The following PTPRN2 variants were observed in gnomAD, a reference collection of about 807,000 sequenced individuals.
PTPRN2 encodes receptor-type tyrosine-protein phosphatase N2.
Under a neutral mutation model 118.8 loss-of-function variants are expected in PTPRN2, and 74 were observed. The observed-to-expected ratio is 0.62, with a 90% CI of 0.52 to 0.76. The LOEUF is 0.76. Ranked by LOEUF, PTPRN2 falls within the 30% of genes least tolerant of loss-of-function variation. The probability of loss-of-function intolerance (pLI) is 0.00; values close to 1 mark genes in which losing one functional copy is unlikely to be tolerated. For synonymous variants in PTPRN2, 641 were observed against 608.0 expected, an observed-to-expected ratio of 1.05 and a Z score of -0.80; for missense variants, 1,481 against 1,394.4, an observed-to-expected ratio of 1.06 and a Z score of -0.99.
chr7:157,763,816 T>A lies in PTPRN2; in HGVS notation c.1789-80879A>T, dbSNP rs759724591. Among the ~76,000 whole-genome samples, 1 of 152,098 alleles carries A rather than the reference T, an allele frequency of 6.6e-6. No homozygotes were observed. The highest frequency in any genetic ancestry group is 1.5e-5 in the Non-Finnish European group (1 of 68,022). On this transcript the variant is annotated intron_variant, in intron 12 of 22. Coordinates refer to ENST00000389418, the MANE Select transcript of PTPRN2 (RefSeq NM_002847.5). This position sits in a 1 kb window ranked among gnomAD's most constrained non-coding sequence, Gnocchi z 4.9. ...TGCACCGGGCAGGGTTAGGGGCTGCTGGGCCTCTGCTGTGTGGCCACTGCC... is the reference window on the plus strand; with the variant it reads ...TGCACCGGGCAGGGTTAGGGGCTGCAGGGCCTCTGCTGTGTGGCCACTGCC...
Position 158,167,279 on chromosome 7 carries a change from A to C in PTPRN2, c.562T>G (p.Phe188Val). 6.2e-7 allele frequency: 1 copy of C among 1,600,480 alleles called. No individual in the cohort carries two copies. Among genetic ancestry groups the C allele is most frequent in the South Asian group, 1.1e-5 (1 of 89,370 alleles). ...ACATAGGTCAGGATGCTCTCGGAGA[A>C]GCGGTCATCACCCTGAAGGAAAGGA... ...DRPPAEGDDR[F>V]SESILTYVAH... is the part of the protein sequence containing the mutation. Residue 188 changes from phenylalanine (F) to valine (V), a missense_variant, in exon 6 of 23, where the codon TTC (phenylalanine) becomes GTC (valine). Around this residue, in one of 3 missense-constraint regions of PTPRN2, gnomAD observed 1,115 missense variants for 994.2 expected, o/e 1.12. Coordinates refer to ENST00000389418, the MANE Select transcript of PTPRN2 (RefSeq NM_002847.5).
chr7:158,219,297 C>G (rs1260857322), intron 3 of PTPRN2, among the ~76,000 whole-genome samples: 1 of 152,056 alleles, frequency 6.6e-6, no homozygotes, highest in South Asian at 2.1e-4. Context: ...CAAAATTAAA[C>G]ATTTTGCTCC....
At chr7:158,576,196 A>G (rs1443849673) in intron 1 of PTPRN2, among the ~76,000 whole-genome samples, 1 of 152,122 alleles carries the variant, frequency 6.6e-6, no homozygotes, top group East Asian at 1.9e-4. Context: ...TGTGTCTGCA[A>G]ACACACCAAG....
chr7:157,810,798 G>A (rs1030035734), intron 12 of PTPRN2, among the ~76,000 whole-genome samples: 1 of 148,908 alleles, frequency 6.7e-6, no homozygotes, highest in Non-Finnish European at 1.5e-5. Context: ...CGGCAGGACT[G>A]CTGGGCACAG....
chr7:158,491,497 A>ATT (rs201538046), intron 1 of PTPRN2, among the ~76,000 whole-genome samples: 17 of 148,882 alleles, frequency 1.1e-4, no homozygotes, highest in African/African-American at 4.2e-4. Flanking sequence ...TGAAAAACAG[A>ATT]TTTTTTTTTT....
chr7:158,302,913 T>G (rs1800996894), intron 3 of PTPRN2, among the ~76,000 whole-genome samples: 1 of 152,056 alleles, frequency 6.6e-6, no homozygotes, highest in South Asian at 2.1e-4. Flanking sequence ...ACAGAATGAG[T>G]GGGAGGCAGA....
At chr7:157,965,426 G>A (rs1458355929) in intron 11 of PTPRN2, among the ~76,000 whole-genome samples, 1 of 152,144 alleles carries the variant, frequency 6.6e-6, no homozygotes, top group Non-Finnish European at 1.5e-5. Context: ...TCGAGAGACT[G>A]AGCCTTCCCA....
At chr7:158,241,756 C>T (rs550998616) in intron 3 of PTPRN2, among the ~76,000 whole-genome samples, 14 of 152,272 alleles carry the variant, frequency 9.2e-5, no homozygotes, top group South Asian at 2.1e-4. Context: ...TACAGCTCCC[C>T]GTTCTCCTAA....
rs1353298099 is a variant in PTPRN2 at position 157,598,539 on chromosome 7, G to C, written c.2419-3224C>G. 1.4e-5 allele frequency among the ~76,000 whole-genome samples: 2 copies of C among 147,998 alleles called. No homozygotes were observed. The highest frequency in any genetic ancestry group is 5.3e-5 in the African/African-American group (2 of 37,472). ...GTCTCCATATCTGTATGGTGGGTGA[G>C]CTCAGGGAGTGAGGAGCTTGGATGA... On this transcript the variant is annotated intron_variant, in intron 16 of 22. Coordinates refer to ENST00000389418, the MANE Select transcript of PTPRN2 (RefSeq NM_002847.5). This position sits in a 1 kb window ranked among gnomAD's most constrained non-coding sequence, Gnocchi z 5.2.
intron 16 of PTPRN2, among the ~76,000 whole-genome samples, chr7:157,600,645 G>A (rs1264831346): frequency 6.6e-6 from 1 of 152,240 alleles, no homozygotes. Flanking sequence ...CTGAACTCAA[G>A]TGATTCGCCT....
chr7:158,207,094 T>C (rs1044998752), intron 3 of PTPRN2, among the ~76,000 whole-genome samples: 8 of 148,886 alleles, frequency 5.4e-5, no homozygotes, highest in African/African-American at 2.0e-4. Context: ...TTACTGAGAA[T>C]GATGGTTTCC....
At chr7:158,486,733 A>G (rs5016018) in intron 2 of PTPRN2, among the ~76,000 whole-genome samples, 29,122 of 152,190 alleles carry the variant, frequency 0.19, 3,272 homozygotes, top group East Asian at 0.41. Flanking sequence ...GAGCATGTGC[A>G]GAGGCTGCAG....
At chr7:157,636,100 C>T (rs1028280658) in intron 14 of PTPRN2, among the ~76,000 whole-genome samples, 1 of 152,190 alleles carries the variant, frequency 6.6e-6, no homozygotes, top group Admixed American at 6.5e-5. Flanking sequence ...AGCTGCTAAT[C>T]CCCTTTCATT....
intron 12 of PTPRN2, among the ~76,000 whole-genome samples, chr7:157,839,375 A>AGT (rs1173235949): frequency 1.3e-5 from 2 of 149,134 alleles, no homozygotes; most frequent in Non-Finnish European, 3.0e-5. Context: ...GCTGTGTGGG[A>AGT]GTGTGTATGT....
chr7:157,745,400 C>G, intron 12 of PTPRN2, among the ~76,000 whole-genome samples: 1 of 139,430 alleles, frequency 7.2e-6, no homozygotes, highest in Non-Finnish European at 1.6e-5. Flanking sequence ...GGGAGGCAGG[C>G]ATGGGGGAGA....
In PTPRN2 at chr7:158,408,909, ACT is replaced by A. The variant is rs142426767; in HGVS notation, c.163+80824_163+80825del. Among the ~76,000 whole-genome samples, 1,282 of 151,970 alleles carry A rather than the reference ACT, an allele frequency of 8.4e-3. 19 individuals are homozygous for A. The highest frequency in any genetic ancestry group is 0.029 in the African/African-American group (1,195 of 41,412). ...ACATTGACACCAAACACAGCCTAAA[ACT>A]CTGTTACCACAAACATGACTTAAAC... On this transcript the variant is annotated intron_variant, in intron 2 of 22. Coordinates refer to ENST00000389418, the MANE Select transcript of PTPRN2 (RefSeq NM_002847.5).
chr7:158,438,458 A>G lies in PTPRN2; in HGVS notation c.163+51277T>C, dbSNP rs1415800961. ...GTGTGATGTTTCAACACATATATAC[A>G]TTGTGGAATCATCAAAACAGGCTAA... On this transcript the variant is annotated intron_variant, in intron 2 of 22. Transcript: ENST00000389418. The surrounding 1 kb of genome is among the most constrained non-coding windows in gnomAD (Gnocchi z 4.7). Among the ~76,000 whole-genome samples the G allele has an allele frequency of 6.6e-6, 1 of 152,190 alleles. No individual in the cohort carries two copies. Among genetic ancestry groups the G allele is most frequent in the Non-Finnish European group, 1.5e-5 (1 of 68,038 alleles).
intron 12 of PTPRN2, among the ~76,000 whole-genome samples, chr7:157,877,613 A>G (rs772069114): frequency 2.0e-5 from 3 of 152,064 alleles, no homozygotes; most frequent in Non-Finnish European, 4.4e-5. Flanking sequence ...CCCACGTCAC[A>G]AAGAGGAAGG....
intron 1 of PTPRN2, among the ~76,000 whole-genome samples, chr7:158,576,116 T>C (rs11977963): frequency 0.013 from 1,942 of 152,148 alleles, 42 homozygotes; most frequent in African/African-American, 0.044. Flanking sequence ...TTACCCCAAA[T>C]AAGCAGCAAG....
Sources: gnomAD v4.1 joint callset for allele counts (sites outside exome capture counted in the v4.1 genomes callset) on GRCh38, gnomAD v4.1.1 for gene constraint, gnomAD v4.1.1 regional missense constraint, Gnocchi (gnomAD v3.1) non-coding constraint, MANE v1.5 for transcripts, NCBI Gene and HGNC (gene_info 2026-07-23, HGNC 2026-07-21) for gene names.